CLIC5: variants seen among roughly 807,000 people sequenced by gnomAD.
CLIC5 encodes CLIC family member 5.
CLIC5 carries 20 observed loss-of-function variants against 24.7 expected under a neutral mutation model. That is an observed-to-expected ratio of 0.81 (90% CI 0.57 to 1.18). The LOEUF (loss-of-function observed/expected upper bound fraction) is 1.18, where lower values mean the gene tolerates loss of function less well. Among genes scored for constraint, CLIC5 ranks in the 50% most tolerant of loss-of-function variants. The probability of loss-of-function intolerance (pLI) is 0.00; values close to 1 mark genes in which losing one functional copy is unlikely to be tolerated. For missense variants in CLIC5, 341 were observed against 326.1 expected, an observed-to-expected ratio of 1.05 and a Z score of -0.35; for synonymous variants, 159 against 135.6, an observed-to-expected ratio of 1.17 and a Z score of -1.20.
chr6:45,950,220 A>G (rs1764422825), intron 2 of CLIC5, among the ~76,000 whole-genome samples: 1 of 152,198 alleles, frequency 6.6e-6, no homozygotes. Context: ...CCTGGCATAT[A>G]GGAGGCCCTC....
intron 1 of CLIC5, among the ~76,000 whole-genome samples, chr6:45,965,689 G>A (rs995639182): frequency 3.3e-5 from 5 of 152,106 alleles, no homozygotes; most frequent in African/African-American, 9.7e-5. Flanking sequence ...TTGAAGAAGA[G>A]GTCTCCTCAC....
At chr6:46,010,969 G>A (rs552504354) in intron 1 of CLIC5, among the ~76,000 whole-genome samples, 30 of 152,244 alleles carry the variant, frequency 2.0e-4, no homozygotes, top group South Asian at 6.2e-4. Flanking sequence ...ACATAGAGGC[G>A]ACACCACAAG....
intron 1 of CLIC5, among the ~76,000 whole-genome samples, chr6:46,000,455 T>A (rs1427143618): frequency 6.6e-6 from 1 of 152,190 alleles, no homozygotes. Context: ...ACCCAGGTGA[T>A]GGAAGTCAGC....
chr6:45,993,897 A>G (rs1766034387), intron 1 of CLIC5, among the ~76,000 whole-genome samples: 1 of 152,204 alleles, frequency 6.6e-6, no homozygotes, highest in African/African-American at 2.4e-5. Context: ...ACATCCGTTC[A>G]TGGGAAGCTC....
chr6:46,072,049 A>T (rs1762615568), intron 1 of CLIC5, among the ~76,000 whole-genome samples: 1 of 152,028 alleles, frequency 6.6e-6, no homozygotes, highest in South Asian at 2.1e-4. Context: ...ACACACAGAC[A>T]AATAGAGGGG....
chr6:46,041,567 C>T (rs1767809635), intron 1 of CLIC5, among the ~76,000 whole-genome samples: 1 of 152,088 alleles, frequency 6.6e-6, no homozygotes, highest in Non-Finnish European at 1.5e-5. Flanking sequence ...CAAAAGAAAA[C>T]AGGGATTTTT....
At chr6:46,006,127 C>CATATATATATATAT (rs58643121) in intron 1 of CLIC5, among the ~76,000 whole-genome samples, 21 of 35,082 alleles carry the variant, frequency 6.0e-4, no homozygotes, top group Non-Finnish European at 6.8e-4. Context: ...TGTATAAATA[C>CATATATATATATAT]ATATATATAT....
Position 45,975,845 on chromosome 6 carries a change from CTTAAAAGTCTTTGGCTTAAT to C in CLIC5, c.64-20621_64-20602del, listed in dbSNP as rs528646882. ...AGGTATACAATATAATTAAAAAGTG[CTTAAAAGTCTTTGGCTTAAT>C]TTATGTTGTAAATTATAAATAGCCT... On this transcript the variant is annotated intron_variant, in intron 1 of 5. Coordinates refer to ENST00000339561, the MANE Select transcript of CLIC5 (RefSeq NM_016929.5). 3.0e-3 allele frequency among the ~76,000 whole-genome samples: 462 copies of C among 152,222 alleles called. 1 individual carries two copies. In the Middle Eastern group the frequency reaches 0.037, roughly 12 times the overall value.
chr6:45,985,535 TTCTG>T (rs1207403299), intron 1 of CLIC5, among the ~76,000 whole-genome samples: 1 of 151,838 alleles, frequency 6.6e-6, no homozygotes, highest in Non-Finnish European at 1.5e-5. Context: ...TTGGAAATGC[TTCTG>T]TGTCCCTCCA....
chr6:46,027,818 T>C (rs895938856), intron 1 of CLIC5, among the ~76,000 whole-genome samples: 2 of 152,166 alleles, frequency 1.3e-5, no homozygotes, highest in African/African-American at 4.8e-5. Flanking sequence ...CCAGGACTTG[T>C]GGAGGATGGG....
intron 1 of CLIC5, among the ~76,000 whole-genome samples, chr6:46,002,299 T>A (rs1183578463): frequency 3.3e-5 from 5 of 152,182 alleles, no homozygotes; most frequent in African/African-American, 1.2e-4. Flanking sequence ...TGACTCTAGG[T>A]CTTAGAATGG....
chr6:46,090,391 C>G, the CLIC5 span, among the ~76,000 whole-genome samples: 1 of 145,138 alleles, frequency 6.9e-6, no homozygotes, highest in African/African-American at 2.5e-5. Flanking sequence ...TTCATAGATT[C>G]GTCAACTTGA....
intron 3 of CLIC5, among the ~76,000 whole-genome samples, chr6:45,948,073 A>C (rs1561955840): frequency 6.6e-6 from 1 of 152,232 alleles, no homozygotes; most frequent in Admixed American, 6.5e-5. Context: ...CCCTGTCCTG[A>C]CTGTGAAATG....
At chr6:46,001,532 A>G (rs942002101) in intron 1 of CLIC5, among the ~76,000 whole-genome samples, 2 of 151,890 alleles carry the variant, frequency 1.3e-5, no homozygotes, top group Non-Finnish European at 2.9e-5. Flanking sequence ...GTCCTTCCAA[A>G]TGCCCAGTGG....
At chr6:46,054,338 G>A (rs934862173) in intron 1 of CLIC5, among the ~76,000 whole-genome samples, 5 of 152,036 alleles carry the variant, frequency 3.3e-5, no homozygotes, top group Non-Finnish European at 7.4e-5. Flanking sequence ...ACCTTGCAAA[G>A]TCCCTGTTTA....
chr6:46,062,915 A>G (rs1344257255), intron 1 of CLIC5, among the ~76,000 whole-genome samples: 1 of 152,176 alleles, frequency 6.6e-6, no homozygotes, highest in Non-Finnish European at 1.5e-5. Context: ...ATGAAGTGAC[A>G]TTGCACTTAG....
chr6:45,926,460 A>T (rs534063513), intron 4 of CLIC5, among the ~76,000 whole-genome samples: 1 of 150,236 alleles, frequency 6.7e-6, no homozygotes, highest in East Asian at 2.0e-4. Flanking sequence ...GTTTCACCAT[A>T]TTGGCCAGGC....
intron 1 of CLIC5, among the ~76,000 whole-genome samples, chr6:46,039,248 G>A (rs1310363976): frequency 6.6e-6 from 1 of 151,796 alleles, no homozygotes; most frequent in African/African-American, 2.4e-5. Context: ...TTTTCTAAAG[G>A]GATTGGTATT....
intron 2 of CLIC5, among the ~76,000 whole-genome samples, chr6:45,952,457 T>G (rs1177643442): frequency 6.6e-6 from 1 of 152,168 alleles, no homozygotes; most frequent in Non-Finnish European, 1.5e-5. Context: ...CAATTGCAAA[T>G]GTTTTACATG....
Sources: allele counts gnomAD v4.1 joint callset (sites outside exome capture counted in the v4.1 genomes callset), GRCh38; gene constraint gnomAD v4.1.1; transcripts MANE v1.5; gene names NCBI Gene and HGNC (gene_info 2026-07-23, HGNC 2026-07-21).